Variants in RALGAPA2 observed in about 807,000 individuals in gnomAD.
The protein encoded by RALGAPA2 is ral GTPase-activating protein subunit alpha-2.
In RALGAPA2, 139 loss-of-function variants were observed where a neutral mutation model predicts 230.4. The observed-to-expected ratio is 0.60, with a 90% CI of 0.53 to 0.69. The LOEUF is 0.69. RALGAPA2 is among the 30% of genes least tolerant of loss of function. The pLI, the probability that RALGAPA2 is intolerant of heterozygous loss-of-function variation, is 0.00. For missense variants in RALGAPA2, 2,163 were observed against 2,276.0 expected (o/e 0.95, Z 1.01); for synonymous variants, 847 against 837.8 (o/e 1.01, Z -0.19).
intron 37 of RALGAPA2, among the ~76,000 whole-genome samples, chr20:20,423,922 G>T (rs565338176): frequency 6.6e-6 from 1 of 152,160 alleles, no homozygotes; most frequent in Non-Finnish European, 1.5e-5. Context: ...TCAAAAAGAA[G>T]AAAATACCAT....
At chr20:20,439,083 G>A (rs6081999) in intron 37 of RALGAPA2, among the ~76,000 whole-genome samples, 1 of 152,096 alleles carries the variant, frequency 6.6e-6, no homozygotes, top group Non-Finnish European at 1.5e-5. Flanking sequence ...GCATGGAAAC[G>A]GAGACTAGGA....
chr20:20,610,247 G>A (rs1483299680), intron 14 of RALGAPA2, among the ~76,000 whole-genome samples: 1 of 152,118 alleles, frequency 6.6e-6, no homozygotes, highest in East Asian at 1.9e-4. Flanking sequence ...TATTTATGTA[G>A]AATGTAGCAT....
chr20:20,689,366 A>G (rs1390323475), intron 1 of RALGAPA2, among the ~76,000 whole-genome samples: 1 of 152,244 alleles, frequency 6.6e-6, no homozygotes, highest in Non-Finnish European at 1.5e-5. Context: ...AAAATAAGAC[A>G]GGAACAGTGG....
At position 20,635,563 on chromosome 20, in the gene RALGAPA2, T is replaced by G; in HGVS notation, c.860A>C (p.Glu287Ala). 6.3e-7 allele frequency: 1 copy of G among 1,586,554 alleles called. No homozygotes were observed. ...TGGAATCTTTGTACTGTAAATGTTC[T>G]CATTGTCTCGAGTGGTAGTAATGTA... ...PVYITTTRDNENIYSTKIPYM... is the reference protein window; with the variant it reads ...PVYITTTRDNANIYSTKIPYM... Residue 287 changes from glutamate (E) to alanine (A), a missense_variant, in exon 9 of 40, where the codon GAG becomes GCG. Physicochemically the swap from Glu to Ala is moderately radical, Grantham distance 107. Transcript: ENST00000202677.
At chr20:20,562,618 T>C (rs1039949711) in intron 23 of RALGAPA2, among the ~76,000 whole-genome samples, 2 of 152,224 alleles carry the variant, frequency 1.3e-5, no homozygotes, top group Non-Finnish European at 2.9e-5. Context: ...AACAAAACTG[T>C]AGTTTCTGGC....
chr20:20,499,072 C>T (rs921222047), intron 35 of RALGAPA2, among the ~76,000 whole-genome samples: 1 of 152,178 alleles, frequency 6.6e-6, no homozygotes, highest in African/African-American at 2.4e-5. Flanking sequence ...TTTTGCAGCT[C>T]ATTTTTAAGC....
intron 24 of RALGAPA2, among the ~76,000 whole-genome samples, chr20:20,539,007 ATTATG>A (rs1300097574): frequency 1.3e-5 from 2 of 152,180 alleles, no homozygotes; most frequent in Non-Finnish European, 2.9e-5. Context: ...TCTTTCACTC[ATTATG>A]TTATGTAACC....
intron 35 of RALGAPA2, among the ~76,000 whole-genome samples, chr20:20,502,188 C>A (rs73289162): frequency 6.6e-6 from 1 of 152,072 alleles, no homozygotes. Context: ...AAATGTAATA[C>A]CTGTGAAGTG....
chr20:20,670,524 T>C (rs2068097712), intron 3 of RALGAPA2, among the ~76,000 whole-genome samples: 1 of 152,082 alleles, frequency 6.6e-6, no homozygotes, highest in Admixed American at 6.5e-5. Flanking sequence ...GTTAAGATGG[T>C]AAATGTAAAT....
chr20:20,620,421 A>G (rs2066283555), intron 11 of RALGAPA2, 42 bp downstream of exon 11: 1 of 1,586,584 alleles, frequency 6.3e-7, no homozygotes, highest in Non-Finnish European at 8.6e-7. Flanking sequence ...CTTTACTAAA[A>G]TATATTTACC....
chr20:20,617,821 T>G (rs533164273), intron 12 of RALGAPA2, among the ~76,000 whole-genome samples: 1 of 152,294 alleles, frequency 6.6e-6, no homozygotes, highest in Middle Eastern at 3.4e-3. Context: ...CCCCTTTTTC[T>G]TAATAAACAA....
intron 35 of RALGAPA2, among the ~76,000 whole-genome samples, chr20:20,500,508 A>G (rs2062343112): frequency 6.6e-6 from 1 of 152,226 alleles, no homozygotes; most frequent in Non-Finnish European, 1.5e-5. Flanking sequence ...TTTTATCATG[A>G]CATTGCAGTA....
intron 35 of RALGAPA2, among the ~76,000 whole-genome samples, chr20:20,496,991 C>T (rs750921650): frequency 9.2e-5 from 14 of 152,154 alleles, no homozygotes; most frequent in Non-Finnish European, 1.5e-4. Flanking sequence ...GCACAAGTCA[C>T]GATGATCCAG....
chr20:20,551,130 AT>A (rs1385241066), intron 23 of RALGAPA2, among the ~76,000 whole-genome samples: 2 of 152,236 alleles, frequency 1.3e-5, no homozygotes, highest in Non-Finnish European at 2.9e-5. Context: ...GAAAATTATC[AT>A]TTTAGATTTT....
chr20:20,580,841 C>G (rs1176226980), intron 20 of RALGAPA2, among the ~76,000 whole-genome samples: 1 of 152,146 alleles, frequency 6.6e-6, no homozygotes, highest in African/African-American at 2.4e-5. Flanking sequence ...ATTTTGGAGG[C>G]AGTTTATTAT....
chr20:20,524,706 A>C, intron 29 of RALGAPA2, 124 bp downstream of exon 29: 1 of 1,295,614 alleles, frequency 7.7e-7, no homozygotes, highest in East Asian at 2.5e-5. Flanking sequence ...TTCACAAAAA[A>C]GACTGTTAAG....
intron 10 of RALGAPA2, among the ~76,000 whole-genome samples, chr20:20,623,880 T>G (rs1027712979): frequency 1.3e-5 from 2 of 152,228 alleles, no homozygotes; most frequent in Non-Finnish European, 2.9e-5. Context: ...TAAACCTATT[T>G]ACCCTAAAGT....
At chr20:20,403,093 C>T (rs1019917795) in intron 38 of RALGAPA2, among the ~76,000 whole-genome samples, 1 of 152,036 alleles carries the variant, frequency 6.6e-6, no homozygotes, top group Non-Finnish European at 1.5e-5. Flanking sequence ...GCGCCCCCAC[C>T]CCAGGTGTGT....
At chr20:20,469,050 T>G (rs1477990076) in intron 37 of RALGAPA2, among the ~76,000 whole-genome samples, 7 of 152,176 alleles carry the variant, frequency 4.6e-5, no homozygotes, top group African/African-American at 1.7e-4. Flanking sequence ...TATGATGTGC[T>G]CTTTCAAAGC....
Sources: allele counts gnomAD v4.1 joint callset (sites outside exome capture counted in the v4.1 genomes callset), GRCh38; gene constraint gnomAD v4.1.1; transcripts MANE v1.5; gene names NCBI Gene and HGNC (gene_info 2026-07-23, HGNC 2026-07-21).